The following PBX4 variants were observed in gnomAD, a reference collection of about 807,000 sequenced individuals.
PBX4 encodes pre-B-cell leukemia transcription factor 4.
Under a neutral mutation model 35.1 loss-of-function variants are expected in PBX4, and 26 were observed. The ratio of observed to expected loss-of-function variants is 0.74; its 90% CI spans 0.54 to 1.03. PBX4 has a LOEUF of 1.03. Ranked by LOEUF, PBX4 falls within the 50% of genes least tolerant of loss-of-function variation. The pLI, the probability that PBX4 is intolerant of heterozygous loss-of-function variation, is 0.00. For missense variants in PBX4, 448 were observed against 504.3 expected (o/e 0.89, Z 1.07); for synonymous variants, 199 against 204.2 (o/e 0.97, Z 0.22).
rs1366134691 is a variant in PBX4, at chr19:19,563,988, TC to T, written c.926-374del. 6.6e-6 allele frequency among the ~76,000 whole-genome samples: 1 copy of T among 151,914 alleles called. No homozygotes were observed. The highest frequency in any genetic ancestry group is 3.2e-3 in the Middle Eastern group (1 of 316). ...ACGCCCAGATAATTTGTTTTTTCTTTCTTTTTTTTTATTATTATTATACTTT... is the reference window on the plus strand; with the variant it reads ...ACGCCCAGATAATTTGTTTTTTCTTTTTTTTTTTTATTATTATTATACTTT... On this transcript the variant is annotated intron_variant, in intron 6 of 7. Transcript: ENST00000251203. The surrounding 1 kb of genome is among the most constrained non-coding windows in gnomAD (Gnocchi z 5.1).
intron 2 of PBX4, among the ~76,000 whole-genome samples, chr19:19,589,790 C>T (rs1229471205): frequency 6.6e-6 from 1 of 151,940 alleles, no homozygotes; most frequent in African/African-American, 2.4e-5. Context: ...AAGAAGCTCC[C>T]TAGTATCTAC....
chr19:19,581,672 G>A (rs927195583), intron 2 of PBX4, among the ~76,000 whole-genome samples: 5 of 152,132 alleles, frequency 3.3e-5, no homozygotes, highest in Admixed American at 6.6e-5. Flanking sequence ...CAGGAGGAGC[G>A]ACCTACTCAC....
At chr19:19,582,650 A>G (rs2061462965) in intron 2 of PBX4, among the ~76,000 whole-genome samples, 1 of 152,130 alleles carries the variant, frequency 6.6e-6, no homozygotes, top group African/African-American at 2.4e-5. Flanking sequence ...CCAGTACACT[A>G]AGGCAAGAAC....
At chr19:19,564,829 C>T in intron 6 of PBX4, 104 bp downstream of exon 6, 5 of 1,400,482 alleles carry the variant, frequency 3.6e-6, no homozygotes, top group Admixed American at 1.8e-5. Flanking sequence ...ACAGAGTTGA[C>T]CACTGGGGGA....
intron 2 of PBX4, among the ~76,000 whole-genome samples, chr19:19,589,201 G>A (rs1048100747): frequency 2.0e-5 from 3 of 151,996 alleles, no homozygotes; most frequent in East Asian, 1.9e-4. Context: ...GGTCGAGGCC[G>A]GCGGATCACG....
intron 2 of PBX4, among the ~76,000 whole-genome samples, chr19:19,582,083 C>T (rs575343432): frequency 6.6e-6 from 1 of 152,258 alleles, no homozygotes; most frequent in South Asian, 2.1e-4. Context: ...ACCCAAGGCC[C>T]CCTACCTTTG....
intron 2 of PBX4, among the ~76,000 whole-genome samples, chr19:19,573,664 C>T (rs566562123): frequency 5.4e-4 from 82 of 152,176 alleles, no homozygotes; most frequent in African/African-American, 1.9e-3. Flanking sequence ...ATAGCTAATA[C>T]ATGAGATTGG....
chr19:19,615,291 G>A (rs975400131), intron 1 of PBX4, among the ~76,000 whole-genome samples: 1 of 151,420 alleles, frequency 6.6e-6, no homozygotes, highest in Non-Finnish European at 1.5e-5. Flanking sequence ...AGGCTGCAGT[G>A]AGTCATGATG....
rs151025247 is a variant in PBX4, at chr19:19,575,761, C to T, written c.194-4928G>A. Among the ~76,000 whole-genome samples the T allele has an allele frequency of 1.1e-4, 17 of 152,280 alleles. No homozygotes were observed. The East Asian group carries it at 1.5e-3, about 14-fold the overall frequency. ...ACCTGCCTTTGGAACTGTTCCCTCG[C>T]GGAGCCTTGCACAGCCTCTGACAAG... On this transcript the variant is annotated intron_variant, in intron 2 of 7. Coordinates refer to ENST00000251203, the MANE Select transcript of PBX4 (RefSeq NM_025245.3).
chr19:19,598,297 C>CTT lies in PBX4; in HGVS notation c.193+993_193+994dup, dbSNP rs34977299. Among the ~76,000 whole-genome samples the CTT allele has an allele frequency of 4.3e-3, 550 of 129,238 alleles. 15 individuals carry two copies. Among genetic ancestry groups the CTT allele is most frequent in the Middle Eastern group, 0.016 (4 of 250 alleles). The allele number at this position is 129,238 out of a possible 152,430, so 84.8% of individuals were successfully genotyped here. On this transcript the variant is annotated intron_variant, in intron 2 of 7. Transcript: ENST00000251203. ...TCAACTTTTCTTTTTCTTTTCTTTC[C>CTT]TTTTTTTTTTTTTTTTTGAGACGGA...
chr19:19,604,125 T>C (rs188498031), intron 1 of PBX4, among the ~76,000 whole-genome samples: 8 of 152,254 alleles, frequency 5.3e-5, no homozygotes, highest in Non-Finnish European at 8.8e-5. Context: ...AAGCCACAGC[T>C]GAATAATGTA....
chr19:19,593,251 T>G (rs959664298), intron 2 of PBX4, among the ~76,000 whole-genome samples: 6 of 152,168 alleles, frequency 3.9e-5, no homozygotes, highest in Non-Finnish European at 8.8e-5. Flanking sequence ...AGTTTGGTCT[T>G]TACCATAAGG....
chr19:19,596,006 G>T (rs184527381), intron 2 of PBX4, among the ~76,000 whole-genome samples: 1 of 152,248 alleles, frequency 6.6e-6, no homozygotes, highest in African/African-American at 2.4e-5. Context: ...GCCAAGGTGG[G>T]AGTATTGCTT....
At chr19:19,564,909 TGTC>T (rs1382024154) in intron 6 of PBX4, 21 bp downstream of exon 6, 2 of 1,614,032 alleles carry the variant, frequency 1.2e-6, no homozygotes, top group Non-Finnish European at 1.7e-6. Context: ...TACAGATGAC[TGTC>T]CCTGGGCCAG....
Position 19,561,997 on chromosome 19 carries a change from A to G in PBX4, c.*28T>C. On this transcript the variant is annotated 3_prime_UTR_variant, in exon 8 of 8. Coordinates refer to ENST00000251203, the MANE Select transcript of PBX4 (RefSeq NM_025245.3). ...GCTGGCGATACATGGCAGCTCACGC[A>G]GCGCTCTTTCCTGCTTATCCCCCAA... 1 of 1,582,094 alleles carries G rather than the reference A, an allele frequency of 6.3e-7. No individual in the cohort carries two copies. Among genetic ancestry groups the G allele is most frequent in the Non-Finnish European group, 8.7e-7 (1 of 1,155,628 alleles).
intron 1 of PBX4, 127 bp from the exon 2 acceptor site, chr19:19,599,492 G>A (rs1213234485): frequency 7.4e-5 from 56 of 761,574 alleles, no homozygotes; most frequent in Non-Finnish European, 2.7e-5. Flanking sequence ...TAGATAAGTC[G>A]CCTTATGAAA....
intron 5 of PBX4, among the ~76,000 whole-genome samples, chr19:19,568,538 A>G (rs113577311): frequency 3.2e-4 from 31 of 96,026 alleles, no homozygotes; most frequent in Middle Eastern, 9.4e-3. Context: ...CCCTCAGGGA[A>G]CTCACACTCC....
chr19:19,603,262 C>G (rs184968704), intron 1 of PBX4, among the ~76,000 whole-genome samples: 1 of 152,198 alleles, frequency 6.6e-6, no homozygotes, highest in African/African-American at 2.4e-5. Context: ...AAACAAATCC[C>G]GGGTACAAAG....
intron 1 of PBX4, among the ~76,000 whole-genome samples, chr19:19,606,197 T>A (rs2144783633): frequency 6.6e-6 from 1 of 152,346 alleles, no homozygotes; most frequent in South Asian, 2.1e-4. Flanking sequence ...GGTGATGGTA[T>A]CATCTCTGCC....
Sources: allele counts gnomAD v4.1 joint callset (sites outside exome capture counted in the v4.1 genomes callset), GRCh38; gene constraint gnomAD v4.1.1; non-coding constraint Gnocchi (gnomAD v3.1); transcripts MANE v1.5; gene names NCBI Gene and HGNC (gene_info 2026-07-23, HGNC 2026-07-21).